Variants in SPON1 observed in about 807,000 individuals in gnomAD.
SPON1 encodes spondin-1.
Under a neutral mutation model 111.7 loss-of-function variants are expected in SPON1, and 52 were observed. That is an observed-to-expected ratio of 0.47 (90% CI 0.37 to 0.59). The LOEUF (loss-of-function observed/expected upper bound fraction) is 0.59, where lower values mean the gene tolerates loss of function less well. SPON1 is among the 20% of genes least tolerant of loss of function. The pLI, the probability that SPON1 is intolerant of heterozygous loss-of-function variation, is 0.00. For synonymous variants in SPON1, 410 were observed against 395.8 expected, an observed-to-expected ratio of 1.04 and a Z score of -0.43; for missense variants, 957 against 1,068.5, an observed-to-expected ratio of 0.90 and a Z score of 1.46.
At chr11:14,070,538 C>T (rs1848867213) in intron 3 of SPON1, among the ~76,000 whole-genome samples, 1 of 152,110 alleles carries the variant, frequency 6.6e-6, no homozygotes, top group Admixed American at 6.5e-5. Flanking sequence ...TGATAATGAC[C>T]ACCACATACT....
chr11:13,977,978 GT>G (rs1439470363), intron 1 of SPON1, among the ~76,000 whole-genome samples: 13 of 151,996 alleles, frequency 8.6e-5, no homozygotes, highest in Non-Finnish European at 1.2e-4. Context: ...AGTAATTGTG[GT>G]TTTTGCCATG....
intron 6 of SPON1, among the ~76,000 whole-genome samples, chr11:14,140,498 G>A (rs543205125): frequency 3.3e-5 from 5 of 152,222 alleles, no homozygotes; most frequent in East Asian, 1.9e-4. Context: ...GGGTTCAAGC[G>A]ATTCTCCTGC....
At chr11:14,189,246 G>A (rs1466609762) in intron 6 of SPON1, among the ~76,000 whole-genome samples, 2 of 152,194 alleles carry the variant, frequency 1.3e-5, no homozygotes, top group African/African-American at 4.8e-5. Context: ...CTTTAAATCA[G>A]TATAAAATAC....
At chr11:14,240,094 T>G (rs1848909333) in intron 6 of SPON1, among the ~76,000 whole-genome samples, 1 of 152,174 alleles carries the variant, frequency 6.6e-6, no homozygotes, top group Admixed American at 6.5e-5. Flanking sequence ...AAATATTTAC[T>G]AATGGTGCCA....
At chr11:13,986,796 G>A (rs1029573189) in intron 2 of SPON1, among the ~76,000 whole-genome samples, 2 of 151,846 alleles carry the variant, frequency 1.3e-5, no homozygotes, top group Admixed American at 6.6e-5. Context: ...TCCCACTTAT[G>A]AGTGTGAACA....
intron 1 of SPON1, 41 bp downstream of exon 1, chr11:13,963,183 G>T: frequency 7.2e-7 from 1 of 1,394,572 alleles, no homozygotes; most frequent in Non-Finnish European, 9.4e-7. Context: ...AGCGGGACCC[G>T]GTCCCCGGAG....
intron 6 of SPON1, among the ~76,000 whole-genome samples, chr11:14,201,450 G>A (rs111565952): frequency 0.031 from 4,719 of 151,290 alleles, 241 homozygotes; most frequent in African/African-American, 0.11. Flanking sequence ...CCAGGCTGGA[G>A]TGCAGTGGCA....
chr11:14,142,574 G>A (rs1186268077), intron 6 of SPON1, among the ~76,000 whole-genome samples: 2 of 152,194 alleles, frequency 1.3e-5, no homozygotes, highest in African/African-American at 4.8e-5. Flanking sequence ...CTTTGCACAT[G>A]CTCCCTCCCT....
intron 5 of SPON1, among the ~76,000 whole-genome samples, chr11:14,090,835 C>G (rs1172859445): frequency 9.5e-5 from 3 of 31,450 alleles, no homozygotes; most frequent in East Asian, 2.2e-3. Context: ...CCCCCCCCCC[C>G]CCCCCCCCCG....
At chr11:14,250,873 A>G (rs1239567655) in intron 7 of SPON1, among the ~76,000 whole-genome samples, 1 of 152,238 alleles carries the variant, frequency 6.6e-6, no homozygotes, top group Admixed American at 6.5e-5. Context: ...TTGAAGGTCA[A>G]AGGAAATACA....
chr11:14,234,453 GA>G (rs1848839985), intron 6 of SPON1, among the ~76,000 whole-genome samples: 1 of 152,196 alleles, frequency 6.6e-6, no homozygotes, highest in Non-Finnish European at 1.5e-5. Context: ...TTTGCTCACT[GA>G]TTTTACTCAG....
intron 3 of SPON1, among the ~76,000 whole-genome samples, chr11:14,056,158 C>T (rs1554919157): frequency 1.3e-5 from 2 of 152,196 alleles, no homozygotes; most frequent in African/African-American, 4.8e-5. Context: ...TCCCCCATAA[C>T]ATGGGGGTGG....
intron 3 of SPON1, among the ~76,000 whole-genome samples, chr11:14,042,508 ATATG>A (rs1353845300): frequency 6.6e-6 from 1 of 152,196 alleles, no homozygotes; most frequent in Non-Finnish European, 1.5e-5. Flanking sequence ...TTGAAGTCCT[ATATG>A]GAATGATGCT....
intron 6 of SPON1, among the ~76,000 whole-genome samples, chr11:14,159,226 AAC>A (rs781904288): frequency 1.3e-5 from 2 of 152,136 alleles, no homozygotes; most frequent in African/African-American, 2.4e-5. Flanking sequence ...TTAGATGTGA[AAC>A]AGTCATTATT....
intron 6 of SPON1, among the ~76,000 whole-genome samples, chr11:14,230,670 A>C (rs782670804): frequency 2.0e-5 from 3 of 152,216 alleles, no homozygotes; most frequent in Non-Finnish European, 4.4e-5. Context: ...TGCCCACCTC[A>C]AAAGCCTTCA....
At chr11:14,233,554 T>C (rs1554938954) in intron 6 of SPON1, among the ~76,000 whole-genome samples, 3 of 152,204 alleles carry the variant, frequency 2.0e-5, no homozygotes, top group African/African-American at 7.2e-5. Context: ...TAGCTTATTA[T>C]TAACTAATTG....
intron 2 of SPON1, among the ~76,000 whole-genome samples, chr11:14,028,072 G>A (rs1391550045): frequency 6.6e-6 from 1 of 152,164 alleles, no homozygotes; most frequent in Non-Finnish European, 1.5e-5. Context: ...GGGTCATGGA[G>A]GATATTAATA....
intron 1 of SPON1, among the ~76,000 whole-genome samples, chr11:13,982,474 G>A (rs539156402): frequency 2.3e-4 from 35 of 152,348 alleles, no homozygotes; most frequent in South Asian, 6.2e-4. Context: ...ATTTTGTGCT[G>A]TGAAGGACTA....
intron 2 of SPON1, among the ~76,000 whole-genome samples, chr11:14,024,750 G>T (rs1848505802): frequency 6.6e-6 from 1 of 152,228 alleles, no homozygotes; most frequent in African/African-American, 2.4e-5. Flanking sequence ...ACAGGCCCAA[G>T]GGTGGAGCCC....
Sources: gnomAD v4.1 joint callset for allele counts (sites outside exome capture counted in the v4.1 genomes callset) on GRCh38, gnomAD v4.1.1 for gene constraint, MANE v1.5 for transcripts, NCBI Gene and HGNC (gene_info 2026-07-23, HGNC 2026-07-21) for gene names.